GLIS3: variants seen among roughly 807,000 people sequenced by gnomAD.
The protein encoded by GLIS3 is zinc finger protein GLIS3.
GLIS3 carries 53 observed loss-of-function variants against 78.6 expected under a neutral mutation model. The ratio of observed to expected loss-of-function variants is 0.67; its 90% CI spans 0.54 to 0.85. The LOEUF is 0.85. GLIS3 is among the 40% of genes least tolerant of loss of function. The probability of loss-of-function intolerance (pLI) is 0.00; values close to 1 mark genes in which losing one functional copy is unlikely to be tolerated. For synonymous variants in GLIS3, 684 were observed against 509.9 expected (o/e 1.34, Z -4.60); for missense variants, 1,703 against 1,231.1 (o/e 1.38, Z -5.74).
chr9:3,941,932 A>G (rs1815952538), intron 4 of GLIS3, among the ~76,000 whole-genome samples: 1 of 152,226 alleles, frequency 6.6e-6, no homozygotes, highest in South Asian at 2.1e-4. Flanking sequence ...GTTGACATTA[A>G]GTGGCATTAA....
the GLIS3 span, among the ~76,000 whole-genome samples, chr9:4,424,719 A>G: frequency 6.6e-6 from 1 of 152,162 alleles, no homozygotes; most frequent in African/African-American, 2.4e-5. Flanking sequence ...ACTTGCCCTC[A>G]TGCCTGGCTA....
At chr9:4,061,668 G>C (rs1399514190) in intron 4 of GLIS3, among the ~76,000 whole-genome samples, 1 of 151,894 alleles carries the variant, frequency 6.6e-6, no homozygotes, top group Non-Finnish European at 1.5e-5. Context: ...TAGAGTCTCG[G>C]GTACAAATGA....
intron 6 of GLIS3, among the ~76,000 whole-genome samples, chr9:3,931,930 G>A (rs576901961): frequency 5.3e-5 from 8 of 152,264 alleles, no homozygotes; most frequent in African/African-American, 1.9e-4. Context: ...AGAGCTTCAC[G>A]ATATTGGCCA....
the GLIS3 span, among the ~76,000 whole-genome samples, chr9:4,400,312 G>C: frequency 3.9e-5 from 6 of 152,214 alleles, no homozygotes; most frequent in Non-Finnish European, 8.8e-5. Flanking sequence ...ATGGTGACCT[G>C]AACTGGGATA....
the GLIS3 span, among the ~76,000 whole-genome samples, chr9:4,403,822 G>A: frequency 6.6e-6 from 1 of 151,916 alleles, no homozygotes; most frequent in African/African-American, 2.4e-5. Context: ...AGAGAACAAT[G>A]CAAAACAACG....
intron 1 of GLIS3, among the ~76,000 whole-genome samples, chr9:4,290,238 G>C (rs1587326844): frequency 1.3e-5 from 2 of 151,942 alleles, no homozygotes; most frequent in African/African-American, 2.4e-5. Context: ...TTTAGCCTTT[G>C]TTACATTTTC....
chr9:4,318,027 G>A (rs1055674299), intron 2 of GLIS3, among the ~76,000 whole-genome samples: 8 of 152,174 alleles, frequency 5.3e-5, no homozygotes, highest in African/African-American at 1.4e-4. Context: ...TGTCAGAAAA[G>A]CAACTAGAAA....
At chr9:4,312,855 G>C (rs1010585178) in intron 2 of GLIS3, among the ~76,000 whole-genome samples, 8 of 152,136 alleles carry the variant, frequency 5.3e-5, no homozygotes, top group African/African-American at 1.9e-4. Context: ...ACATTTTTCA[G>C]GTGCTTACTC....
chr9:4,018,086 T>C (rs944771364), intron 4 of GLIS3, among the ~76,000 whole-genome samples: 4 of 152,078 alleles, frequency 2.6e-5, no homozygotes, highest in Non-Finnish European at 4.4e-5. Flanking sequence ...GAATCTTGGA[T>C]TGAAAGAGAG....
intron 2 of GLIS3, among the ~76,000 whole-genome samples, chr9:4,181,432 C>G (rs1279560328): frequency 1.3e-5 from 2 of 152,242 alleles, no homozygotes; most frequent in Non-Finnish European, 2.9e-5. Flanking sequence ...TGCTCCATGG[C>G]ATCTAGTCTG....
chr9:3,925,610 T>TGC (rs1461123572), intron 6 of GLIS3, among the ~76,000 whole-genome samples: 1 of 151,986 alleles, frequency 6.6e-6, no homozygotes, highest in African/African-American at 2.4e-5. Flanking sequence ...TGCGCGCGTG[T>TGC]GTGTGTGTGT....
chr9:4,299,135 C>T (rs1164326212), intron 1 of GLIS3, among the ~76,000 whole-genome samples: 1 of 152,130 alleles, frequency 6.6e-6, no homozygotes, highest in African/African-American at 2.4e-5. Context: ...TTTAAAGCCC[C>T]GTTATCTGTC....
chr9:4,483,669 G>A, the GLIS3 span, among the ~76,000 whole-genome samples: 3 of 149,556 alleles, frequency 2.0e-5, no homozygotes, highest in East Asian at 2.0e-4. Flanking sequence ...GCAGTGAGCC[G>A]ATATCATGCC....
rs1387125113 is a variant in GLIS3, at chr9:4,188,139, T to C, written c.389-62198A>G. ...TATGATATTGGCTGTGGGTTTGTCA[T>C]AGATAGCTCTTATTATTTTGAGATA... is the stretch of plus-strand genomic sequence containing the variant. On this transcript the variant is annotated intron_variant, in intron 2 of 10. Transcript: ENST00000381971. Among the ~76,000 whole-genome samples, 9 of 151,328 alleles carry C rather than the reference T, an allele frequency of 5.9e-5. No individual in the cohort carries two copies. In the East Asian group the frequency reaches 7.8e-4, roughly 13 times the overall value.
the GLIS3 span, among the ~76,000 whole-genome samples, chr9:4,397,716 G>GAA: frequency 7.4e-6 from 1 of 135,254 alleles, no homozygotes; most frequent in African/African-American, 3.0e-5. Context: ...AAGGCAGGGA[G>GAA]GGAGGGAGGG....
At chr9:3,992,734 A>G (rs549003969) in intron 4 of GLIS3, among the ~76,000 whole-genome samples, 1 of 152,364 alleles carries the variant, frequency 6.6e-6, no homozygotes, top group African/African-American at 2.4e-5. Flanking sequence ...ACCTTTGTAA[A>G]GGTATCCCTC....
At chr9:3,863,542 CT>C (rs1820373722) in intron 8 of GLIS3, among the ~76,000 whole-genome samples, 1 of 152,238 alleles carries the variant, frequency 6.6e-6, no homozygotes, top group South Asian at 2.1e-4. Context: ...CTATGAGAGG[CT>C]GGGTCAGTAT....
upstream of GLIS3, among the ~76,000 whole-genome samples, chr9:4,350,335 A>G (rs939264085): frequency 6.6e-6 from 1 of 152,172 alleles, no homozygotes; most frequent in Non-Finnish European, 1.5e-5. Flanking sequence ...ACTTAAAGAG[A>G]CTATTTCAGT....
Position 3,937,288 on chromosome 9 carries a change from G to A in GLIS3, c.1711-99C>T, listed in dbSNP as rs10974212. 0.25 allele frequency: 292,217 copies of A among 1,171,634 alleles called. 38,962 individuals carry two copies. Among genetic ancestry groups the A allele is most frequent in the East Asian group, 0.45 (18,256 of 40,912 alleles). 72.6% of individuals were successfully genotyped at this position (1,171,634 alleles called of 1,614,324 possible). A position where few individuals can be genotyped will look rare whatever the true frequency, so the allele number is the denominator to read the frequency against. ...AAATGTTCTTAGTTGGTACTTTGCC[G>A]AAAATGATAAAATAAAATCAAATCC... On this transcript the variant is annotated intron_variant, in intron 4 of 10. Coordinates refer to ENST00000381971, the MANE Select transcript of GLIS3 (RefSeq NM_001042413.2).
Sources: allele counts gnomAD v4.1 joint callset (sites outside exome capture counted in the v4.1 genomes callset), GRCh38; gene constraint gnomAD v4.1.1; transcripts MANE v1.5; gene names NCBI Gene and HGNC (gene_info 2026-07-23, HGNC 2026-07-21).